Variants in ARHGAP20 observed in about 807,000 individuals in gnomAD.
ARHGAP20 encodes Rho GTPase activating protein 20.
In ARHGAP20, 34 loss-of-function variants were observed where a neutral mutation model predicts 73.7. That is an observed-to-expected ratio of 0.46 (90% CI 0.35 to 0.61). The LOEUF is 0.61. Ranked by LOEUF, ARHGAP20 falls within the 20% of genes least tolerant of loss-of-function variation. The pLI is 0.00. For missense variants in ARHGAP20, 1,314 were observed against 1,420.9 expected, an observed-to-expected ratio of 0.92 and a Z score of 1.21; for synonymous variants, 523 against 518.2, an observed-to-expected ratio of 1.01 and a Z score of -0.13.
intron 9 of ARHGAP20, among the ~76,000 whole-genome samples, chr11:110,603,446 T>C (rs1591309006): frequency 6.6e-6 from 1 of 152,344 alleles, no homozygotes; most frequent in South Asian, 2.1e-4. Flanking sequence ...AAGTTTATAC[T>C]GTAGTAATTT....
intron 14 of ARHGAP20, among the ~76,000 whole-genome samples, chr11:110,581,751 T>G (rs1479001634): frequency 6.6e-6 from 1 of 152,186 alleles, no homozygotes; most frequent in Non-Finnish European, 1.5e-5. Flanking sequence ...TGGCATAGAA[T>G]AATTGGCCAA....
At chr11:110,624,407 C>T (rs1309793231) in intron 3 of ARHGAP20, 96 bp from the exon 4 acceptor site, 2 of 1,055,214 alleles carry the variant, frequency 1.9e-6, no homozygotes, top group South Asian at 1.8e-5. Context: ...CAAACTAACA[C>T]AGGTACAGAA....
chr11:110,582,685 C>A (rs1947506132), intron 13 of ARHGAP20, among the ~76,000 whole-genome samples: 1 of 152,178 alleles, frequency 6.6e-6, no homozygotes, highest in African/African-American at 2.4e-5. Flanking sequence ...ATACCAATGG[C>A]TCTGTCTGTA....
intron 2 of ARHGAP20, among the ~76,000 whole-genome samples, chr11:110,641,859 A>T (rs1413507297): frequency 6.6e-6 from 1 of 152,034 alleles, no homozygotes; most frequent in African/African-American, 2.4e-5. Context: ...ACCTCTCTTC[A>T]TTATCCACTA....
intron 9 of ARHGAP20, among the ~76,000 whole-genome samples, chr11:110,600,074 T>A (rs1369445692): frequency 6.6e-6 from 1 of 152,334 alleles, no homozygotes; most frequent in East Asian, 1.9e-4. Flanking sequence ...CTCCTCTTCA[T>A]CTTGCTAACC....
At chr11:110,665,511 C>G (rs1277847201) in intron 2 of ARHGAP20, among the ~76,000 whole-genome samples, 1 of 152,078 alleles carries the variant, frequency 6.6e-6, no homozygotes, top group Admixed American at 6.5e-5. Context: ...GAGGTGAGGT[C>G]TAAGATTGTC....
chr11:110,582,946 G>A (rs1260722219), intron 13 of ARHGAP20, among the ~76,000 whole-genome samples: 1 of 152,168 alleles, frequency 6.6e-6, no homozygotes, highest in Non-Finnish European at 1.5e-5. Flanking sequence ...CTAACAAGAG[G>A]TGCTTGCAGG....
At chr11:110,589,461 T>C (rs1947765635) in intron 11 of ARHGAP20, 1 of 985,368 alleles carries the variant, frequency 1.0e-6, no homozygotes, top group Non-Finnish European at 1.2e-6. Flanking sequence ...AAGAATCTTC[T>C]TCACCATATT....
intron 1 of ARHGAP20, among the ~76,000 whole-genome samples, chr11:110,707,207 T>A (rs1188344820): frequency 6.6e-6 from 1 of 152,158 alleles, no homozygotes; most frequent in Non-Finnish European, 1.5e-5. Context: ...ACACTCATCC[T>A]ATTTAAAGAT....
intron 2 of ARHGAP20, among the ~76,000 whole-genome samples, chr11:110,645,626 C>T (rs1949174767): frequency 6.6e-6 from 1 of 152,058 alleles, no homozygotes. Context: ...TGGGCATATA[C>T]CCAAAGGAAA....
intron 2 of ARHGAP20, among the ~76,000 whole-genome samples, chr11:110,647,159 T>TTG (rs142318441): frequency 0.026 from 3,857 of 149,910 alleles, 100 homozygotes; most frequent in African/African-American, 0.065. Flanking sequence ...TAGATTGATT[T>TTG]TGTGTGTGTG....
intron 2 of ARHGAP20, among the ~76,000 whole-genome samples, chr11:110,651,757 A>T (rs1026222143): frequency 5.9e-5 from 9 of 151,690 alleles, no homozygotes; most frequent in African/African-American, 1.7e-4. Context: ...CAAAAAAAAA[A>T]AAAATAAAAC....
chr11:110,653,721 G>A (rs940746423), intron 2 of ARHGAP20, among the ~76,000 whole-genome samples: 3 of 151,442 alleles, frequency 2.0e-5, no homozygotes, highest in African/African-American at 7.3e-5. Flanking sequence ...CCCATTACTG[G>A]GTATATACCC....
intron 3 of ARHGAP20, among the ~76,000 whole-genome samples, chr11:110,626,734 CTT>C (rs796148399): frequency 1.4e-5 from 2 of 145,486 alleles, no homozygotes; most frequent in African/African-American, 2.5e-5. Flanking sequence ...CAATCTTTGG[CTT>C]TTTTTTTTTA....
intron 4 of ARHGAP20, among the ~76,000 whole-genome samples, chr11:110,619,662 T>C (rs1022656060): frequency 6.6e-6 from 1 of 151,794 alleles, no homozygotes; most frequent in African/African-American, 2.4e-5. Flanking sequence ...TATGTAGTGA[T>C]AGAGTATATG....
In ARHGAP20 at chr11:110,577,281, T is replaced by C. The variant is rs1486386431; in HGVS notation, c.*2089A>G. ...TATATTATAGATTGATGGAGTATAA[T>C]AAAATGACATATAGTCTGTCTTCAA... On this transcript the variant is annotated 3_prime_UTR_variant, in exon 15 of 15. Coordinates refer to ENST00000683387, the MANE Select transcript of ARHGAP20 (RefSeq NM_001384657.1). The C allele has an allele frequency of 7.2e-7, 1 of 1,390,228 alleles. No homozygotes were observed. Among genetic ancestry groups the C allele is most frequent in the African/African-American group, 1.5e-5 (1 of 68,276 alleles). 86.1% of individuals were successfully genotyped at this position (1,390,228 alleles called of 1,614,324 possible). A position where few individuals can be genotyped will look rare whatever the true frequency, so the allele number is the denominator to read the frequency against.
intron 12 of ARHGAP20, among the ~76,000 whole-genome samples, chr11:110,585,609 T>A (rs748180853): frequency 6.6e-6 from 1 of 152,196 alleles, no homozygotes; most frequent in Non-Finnish European, 1.5e-5. Context: ...TCTCTTATAA[T>A]GCAGGAAAAG....
chr11:110,658,304 C>T (rs1206218703), intron 2 of ARHGAP20, among the ~76,000 whole-genome samples: 1 of 152,134 alleles, frequency 6.6e-6, no homozygotes, highest in Non-Finnish European at 1.5e-5. Flanking sequence ...AGTAGCACTA[C>T]ACATCCTCTG....
chr11:110,586,751 T>C (rs1430355504), intron 11 of ARHGAP20, among the ~76,000 whole-genome samples: 1 of 152,178 alleles, frequency 6.6e-6, no homozygotes, highest in Non-Finnish European at 1.5e-5. Flanking sequence ...CTACATGCAT[T>C]TATTCATATG....
Sources: allele counts gnomAD v4.1 joint callset (sites outside exome capture counted in the v4.1 genomes callset), GRCh38; gene constraint gnomAD v4.1.1; transcripts MANE v1.5; gene names NCBI Gene and HGNC (gene_info 2026-07-23, HGNC 2026-07-21).